PRDM6: variants seen among roughly 807,000 people sequenced by gnomAD.
PRDM6 encodes the protein putative histone-lysine N-methyltransferase PRDM6.
A neutral mutation model predicts 60.8 loss-of-function variants in PRDM6; 25 were observed. That is an observed-to-expected ratio of 0.41 (90% confidence interval 0.30 to 0.57). PRDM6 has a LOEUF of 0.57. Among genes scored for constraint, PRDM6 ranks in the 20% least tolerant of loss-of-function variants. The probability of loss-of-function intolerance (pLI) is 0.27; values close to 1 mark genes in which losing one functional copy is unlikely to be tolerated. For missense variants in PRDM6, 839 were observed against 821.3 expected, an observed-to-expected ratio of 1.02 and a Z score of -0.26; for synonymous variants, 407 against 357.4, an observed-to-expected ratio of 1.14 and a Z score of -1.57.
chr5:123,109,300 C>CT (rs1176907068), intron 3 of PRDM6, among the ~76,000 whole-genome samples: 1 of 152,012 alleles, frequency 6.6e-6, no homozygotes, highest in Non-Finnish European at 1.5e-5. Flanking sequence ...CTTTATACCT[C>CT]TTTTTTCCCC....
chr5:123,097,044 C>T (rs1393542244), intron 2 of PRDM6, among the ~76,000 whole-genome samples: 1 of 152,124 alleles, frequency 6.6e-6, no homozygotes, highest in Admixed American at 6.5e-5. Context: ...AAAAAAAAAT[C>T]AGTTAAGTAA....
intron 3 of PRDM6, among the ~76,000 whole-genome samples, chr5:123,100,781 A>T (rs1386822761): frequency 3.9e-5 from 6 of 152,226 alleles, no homozygotes; most frequent in Non-Finnish European, 8.8e-5. Flanking sequence ...GGTTTCTCCC[A>T]AAACATCATG....
chr5:123,115,986 A>G (rs1764433562), intron 3 of PRDM6, among the ~76,000 whole-genome samples: 1 of 152,242 alleles, frequency 6.6e-6, no homozygotes, highest in Admixed American at 6.5e-5. Context: ...AATAGTAGGA[A>G]TAACAGTGAT....
rs1324202161 is a variant in PRDM6 at position 123,192,465 on chromosome 5, A to G, written c.*5264A>G. 6.6e-6 allele frequency: 1 copy of G among 151,450 alleles called. No individual in the cohort carries two copies. Among genetic ancestry groups the G allele is most frequent in the African/African-American group, 2.4e-5 (1 of 41,402 alleles). The allele number at this position is 151,450 out of a possible 1,614,324, so 9.4% of individuals were successfully genotyped here. On this transcript the variant is annotated 3_prime_UTR_variant, in exon 8 of 8. Transcript: ENST00000407847. ...TTTATAAAATGTGTTTGTGGAAACA[A>G]TACTGAAGTGCTATTAAAACACGTA...
chr5:123,190,322 A>G lies in PRDM6; in HGVS notation c.*3121A>G, dbSNP rs532710837. On this transcript the variant is annotated 3_prime_UTR_variant, in exon 8 of 8. Coordinates refer to ENST00000407847, the MANE Select transcript of PRDM6 (RefSeq NM_001136239.4). ...GAGAGATGGAGCTGCAGACCTTTGCATTTCTAGAAAAATCTCAATATCCCA... is the reference window on the plus strand; with the variant it reads ...GAGAGATGGAGCTGCAGACCTTTGCGTTTCTAGAAAAATCTCAATATCCCA... 1 of 152,334 alleles carries G rather than the reference A, an allele frequency of 6.6e-6. No individual in the cohort carries two copies. The highest frequency in any genetic ancestry group is 2.4e-5 in the African/African-American group (1 of 41,574). The allele number at this position is 152,334 out of a possible 1,614,324, so 9.4% of individuals were successfully genotyped here.
chr5:123,135,411 A>G (rs1764932023), intron 3 of PRDM6, among the ~76,000 whole-genome samples: 1 of 152,182 alleles, frequency 6.6e-6, no homozygotes. Flanking sequence ...AACAGAACAG[A>G]AAGACATCAT....
At chr5:123,130,350 C>T (rs893888761) in intron 3 of PRDM6, among the ~76,000 whole-genome samples, 1 of 133,304 alleles carries the variant, frequency 7.5e-6, no homozygotes, top group Non-Finnish European at 1.6e-5. Context: ...TTTTCTCTCC[C>T]TCCTTTTTTT....
In PRDM6 at chr5:123,159,620, A is replaced by G. The variant is rs1412809626; in HGVS notation, c.1135A>G (p.Ile379Val). The G allele has an allele frequency of 1.3e-6, 2 of 1,551,564 alleles. No individual in the cohort carries two copies. The highest frequency in any genetic ancestry group is 1.2e-5 in the South Asian group (1 of 84,014). Residue 379 changes from isoleucine to valine, a missense_variant, in exon 5 of 8, where the codon ATT (isoleucine) becomes GTT (valine). Coordinates refer to ENST00000407847, the MANE Select transcript of PRDM6 (RefSeq NM_001136239.4). ...TSFFGIPLQC[I>V]AQDENLNVPS... is the part of the protein sequence containing the mutation. ...TTTCTTTGGGATCCCCTTACAATGC[A>G]TTGCCCAGGATGAAAACTGTAAGAA...
intron 3 of PRDM6, among the ~76,000 whole-genome samples, chr5:123,128,237 A>G (rs1278849392): frequency 6.6e-6 from 1 of 152,184 alleles, no homozygotes; most frequent in Non-Finnish European, 1.5e-5. Context: ...ATACGTGTGC[A>G]TGTGTCTTTA....
intron 4 of PRDM6, among the ~76,000 whole-genome samples, chr5:123,158,659 T>C (rs1765560021): frequency 6.6e-6 from 1 of 152,218 alleles, no homozygotes; most frequent in Non-Finnish European, 1.5e-5. Context: ...ATTCGCCTTA[T>C]GTCTGCAGTG....
At chr5:123,102,625 T>TA (rs1379352724) in intron 3 of PRDM6, among the ~76,000 whole-genome samples, 4 of 152,106 alleles carry the variant, frequency 2.6e-5, no homozygotes, top group South Asian at 2.1e-4. Context: ...CAAAATGTAT[T>TA]AAAAAAATTA....
At chr5:123,116,809 G>A (rs908245480) in intron 3 of PRDM6, among the ~76,000 whole-genome samples, 14 of 152,170 alleles carry the variant, frequency 9.2e-5, no homozygotes, top group Non-Finnish European at 1.9e-4. Flanking sequence ...ATAGACTGGG[G>A]AGAAATAGTA....
chr5:123,143,147 AAG>A lies in PRDM6; in HGVS notation c.901-12736_901-12735del, dbSNP rs201039699. 6.2e-4 allele frequency among the ~76,000 whole-genome samples: 58 copies of A among 93,902 alleles called. 1 individual carries two copies. Among genetic ancestry groups the A allele is most frequent in the Admixed American group, 2.4e-3 (23 of 9,736 alleles). The allele number at this position is 93,902 out of a possible 152,430, so 61.6% of individuals were successfully genotyped here. A position where few individuals can be genotyped will look rare whatever the true frequency, so the allele number is the denominator to read the frequency against. Reference sequence around the variant, plus strand: ...GTATGGGATTTGGCAGTAGTTTTTAAAGTGTGTGTGTGTGTGTGTGTGTGTGT... The same window carrying A: ...GTATGGGATTTGGCAGTAGTTTTTAATGTGTGTGTGTGTGTGTGTGTGTGT... On this transcript the variant is annotated intron_variant, in intron 3 of 7. Transcript: ENST00000407847.
chr5:123,136,992 C>T (rs1764972726), intron 3 of PRDM6, among the ~76,000 whole-genome samples: 1 of 152,214 alleles, frequency 6.6e-6, no homozygotes, highest in African/African-American at 2.4e-5. Context: ...ACTGTATAAT[C>T]TTGTGCAAGA....
chr5:123,190,560 T>A lies in PRDM6; in HGVS notation c.*3359T>A, dbSNP rs1268984988. 2 of 152,224 alleles carry A rather than the reference T, an allele frequency of 1.3e-5. No homozygotes were observed. The highest frequency in any genetic ancestry group is 2.9e-5 in the Non-Finnish European group (2 of 68,042). 9.4% of individuals were successfully genotyped at this position (152,224 alleles called of 1,614,324 possible). A position where few individuals can be genotyped will look rare whatever the true frequency, so the allele number is the denominator to read the frequency against. On this transcript the variant is annotated 3_prime_UTR_variant, in exon 8 of 8. Transcript: ENST00000407847. ...ACATTTTTTATTGTGTTCATTTAAA[T>A]GTAGCCTTCTTGGGAAACTATGTAT...
chr5:123,147,054 T>C (rs867719756), intron 3 of PRDM6, among the ~76,000 whole-genome samples: 9 of 152,336 alleles, frequency 5.9e-5, no homozygotes, highest in African/African-American at 1.7e-4. Flanking sequence ...AATGAACGCG[T>C]GAACGAATGT....
chr5:123,159,288 A>C (rs1765574526), intron 4 of PRDM6, among the ~76,000 whole-genome samples: 1 of 152,166 alleles, frequency 6.6e-6, no homozygotes, highest in Non-Finnish European at 1.5e-5. Flanking sequence ...CTCTTCAGCC[A>C]GTTCATTCTA....
intron 6 of PRDM6, among the ~76,000 whole-genome samples, chr5:123,178,127 T>C (rs1478353058): frequency 6.6e-6 from 1 of 152,182 alleles, no homozygotes; most frequent in African/African-American, 2.4e-5. Context: ...CACCGTGAAC[T>C]ATTAACATAA....
At chr5:123,131,647 A>T (rs1764837488) in intron 3 of PRDM6, among the ~76,000 whole-genome samples, 1 of 152,194 alleles carries the variant, frequency 6.6e-6, no homozygotes, top group Admixed American at 6.5e-5. Context: ...TGTGTCTATC[A>T]CAACACCATG....
Sources: gnomAD v4.1 joint callset for allele counts (sites outside exome capture counted in the v4.1 genomes callset) on GRCh38, gnomAD v4.1.1 for gene constraint, MANE v1.5 for transcripts, NCBI Gene and HGNC (gene_info 2026-07-23, HGNC 2026-07-21) for gene names.